Variants in ATP2C2 observed in about 807,000 individuals in gnomAD.
The protein encoded by ATP2C2 is ATPase secretory pathway Ca2+ transporting 2.
Under a neutral mutation model 110.8 loss-of-function variants are expected in ATP2C2, and 171 were observed. That is an observed-to-expected ratio of 1.54 (90% CI 1.36 to 1.75). The LOEUF (loss-of-function observed/expected upper bound fraction) is 1.75. Among genes scored for constraint, ATP2C2 ranks in the 40% most tolerant of loss-of-function variants. The pLI is 0.00. For missense variants in ATP2C2, 1,963 were observed against 1,235.0 expected (o/e 1.59, Z -8.84); for synonymous variants, 804 against 508.4 (o/e 1.58, Z -7.82).
At chr16:84,453,009 G>A (rs1910435950) in intron 18 of ATP2C2, 129 bp from the exon 19 acceptor site, 6 of 893,846 alleles carry the variant, frequency 6.7e-6, no homozygotes, top group Non-Finnish European at 1.0e-5. Context: ...CGTGCAGCAT[G>A]GTAGGTCCTC....
chr16:84,413,992 C>T (rs528458396), intron 6 of ATP2C2, among the ~76,000 whole-genome samples: 3 of 152,158 alleles, frequency 2.0e-5, no homozygotes, highest in East Asian at 3.9e-4. Context: ...TGTCCAGGTA[C>T]ACAAAAGCCA....
intron 11 of ATP2C2, among the ~76,000 whole-genome samples, chr16:84,430,859 A>T (rs998912591): frequency 1.3e-5 from 2 of 152,000 alleles, no homozygotes; most frequent in Non-Finnish European, 2.9e-5. Flanking sequence ...ACAGACTTCA[A>T]ACCACTGAAG....
chr16:84,393,776 G>A (rs1378127715), intron 1 of ATP2C2, among the ~76,000 whole-genome samples: 1 of 151,856 alleles, frequency 6.6e-6, no homozygotes, highest in African/African-American at 2.4e-5. Flanking sequence ...GGCTGTGACC[G>A]ACACAGGTGG....
At chr16:84,401,868 A>G (rs1905345307) in intron 2 of ATP2C2, among the ~76,000 whole-genome samples, 2 of 152,280 alleles carry the variant, frequency 1.3e-5, no homozygotes, top group South Asian at 4.1e-4. Context: ...TCTGTTAAGA[A>G]TGTCATTGTT....
At position 84,459,075 on chromosome 16, in the gene ATP2C2, T is replaced by TC. The variant is rs751251564; in HGVS notation, c.2148-44dup. 9.3e-6 allele frequency: 15 copies of TC among 1,607,110 alleles called. No individual in the cohort carries two copies. The Admixed American group carries it at 2.5e-4, about 27-fold the overall frequency. ...AGCAACCGATGCACTGGTCCAGCCC[T>TC]CACGCAGGCCCGCTCCGTGAGTAAA... On this transcript the variant is annotated intron_variant, in intron 21 of 26. Transcript: ENST00000262429.
intron 15 of ATP2C2, among the ~76,000 whole-genome samples, chr16:84,443,614 A>G (rs1232240154): frequency 1.3e-5 from 2 of 152,082 alleles, no homozygotes; most frequent in Non-Finnish European, 2.9e-5. Flanking sequence ...AGTTCACTCC[A>G]GTTTCCACCC....
intron 1 of ATP2C2, among the ~76,000 whole-genome samples, chr16:84,380,826 G>A (rs1910537896): frequency 1.3e-5 from 2 of 152,284 alleles, no homozygotes; most frequent in South Asian, 4.1e-4. Flanking sequence ...AGCATGTAAG[G>A]TAGCACCTGA....
chr16:84,418,134 T>C (rs73243762), intron 7 of ATP2C2, among the ~76,000 whole-genome samples: 1 of 152,086 alleles, frequency 6.6e-6, no homozygotes, highest in African/African-American at 2.4e-5. Context: ...AAAAAGGGAA[T>C]TGGGTCGGAG....
intron 2 of ATP2C2, chr16:84,404,915 G>C (rs1905616198): frequency 1.5e-6 from 1 of 665,882 alleles, no homozygotes; most frequent in Non-Finnish European, 2.8e-6. Flanking sequence ...CGTCTTTTCT[G>C]CTGTAATTAT....
chr16:84,430,940 C>T (rs1465113122), intron 11 of ATP2C2, among the ~76,000 whole-genome samples: 4 of 152,066 alleles, frequency 2.6e-5, no homozygotes, highest in Admixed American at 2.0e-4. Flanking sequence ...ACTCTGCTGC[C>T]AGCCACTGCC....
chr16:84,399,619 C>A (rs1318395661), intron 2 of ATP2C2, among the ~76,000 whole-genome samples: 1 of 152,044 alleles, frequency 6.6e-6, no homozygotes, highest in African/African-American at 2.4e-5. Context: ...GCTACTGTTT[C>A]TTTTTTATTT....
intron 2 of ATP2C2, among the ~76,000 whole-genome samples, chr16:84,402,679 T>A (rs1026736870): frequency 1.3e-5 from 2 of 152,238 alleles, no homozygotes; most frequent in Non-Finnish European, 2.9e-5. Context: ...TAATGTGTTA[T>A]TGCATTCAAT....
At chr16:84,379,139 CTTCCCCTCCT>C (rs1210855330) in intron 1 of ATP2C2, among the ~76,000 whole-genome samples, 11 of 151,272 alleles carry the variant, frequency 7.3e-5, no homozygotes, top group African/African-American at 2.7e-4. Flanking sequence ...TTTCCCCTCT[CTTCCCCTCCT>C]TTCCCCTCCC....
chr16:84,443,953 G>C (rs1909505529), intron 15 of ATP2C2, among the ~76,000 whole-genome samples: 1 of 152,142 alleles, frequency 6.6e-6, no homozygotes, highest in Admixed American at 6.5e-5. Flanking sequence ...GATCATTTGA[G>C]GCCAAGAGTT....
At chr16:84,405,300 G>C in intron 3 of ATP2C2, 56 bp downstream of exon 3, 7 of 1,446,012 alleles carry the variant, frequency 4.8e-6, no homozygotes. Flanking sequence ...CGAGGGTGGG[G>C]CAGCCATTCC....
At chr16:84,413,301 C>T (rs528030828) in intron 6 of ATP2C2, among the ~76,000 whole-genome samples, 3 of 151,966 alleles carry the variant, frequency 2.0e-5, no homozygotes, top group Non-Finnish European at 4.4e-5. Context: ...GGTAGAAAGC[C>T]GTAGTGAGAT....
At chr16:84,414,707 A>C (rs1906679077) in intron 6 of ATP2C2, among the ~76,000 whole-genome samples, 1 of 152,158 alleles carries the variant, frequency 6.6e-6, no homozygotes, top group African/African-American at 2.4e-5. Flanking sequence ...CTGCTCCTGC[A>C]TTTGAGGTCT....
intron 11 of ATP2C2, among the ~76,000 whole-genome samples, chr16:84,436,862 A>C (rs1363057743): frequency 2.0e-5 from 3 of 148,904 alleles, no homozygotes; most frequent in Non-Finnish European, 4.4e-5. Flanking sequence ...TCCCAGGTTC[A>C]AGCGATTCTC....
In ATP2C2 at chr16:84,403,847, C is replaced by T. The variant is rs143553887; in HGVS notation, c.211-1281C>T. 1.1e-4 allele frequency among the ~76,000 whole-genome samples: 16 copies of T among 152,284 alleles called. No homozygotes were observed. The East Asian group carries it at 2.9e-3, about 28-fold the overall frequency. The stretch of plus-strand genomic sequence containing the variant: ...CTGGGATTACAGGCACATGCCACCA[C>T]GCCCGGCTAATTCTTGTATTTTTAG... On this transcript the variant is annotated intron_variant, in intron 2 of 26. Transcript: ENST00000262429.
Sources: allele counts gnomAD v4.1 joint callset (sites outside exome capture counted in the v4.1 genomes callset), GRCh38; gene constraint gnomAD v4.1.1; transcripts MANE v1.5; gene names NCBI Gene and HGNC (gene_info 2026-07-23, HGNC 2026-07-21).